The following SPECC1 variants were observed in gnomAD, a reference collection of about 807,000 sequenced individuals.
SPECC1 encodes sperm antigen with calponin homology and coiled-coil domains 1.
In SPECC1, 62 loss-of-function variants were observed where a neutral mutation model predicts 104.1. The ratio of observed to expected loss-of-function variants is 0.60; its 90% CI spans 0.49 to 0.74. The LOEUF is 0.74. SPECC1 is among the 30% of genes least tolerant of loss of function. The pLI is 0.00. For missense variants in SPECC1, 1,306 were observed against 1,310.5 expected, an observed-to-expected ratio of 1.00 and a Z score of 0.05; for synonymous variants, 513 against 501.6, an observed-to-expected ratio of 1.02 and a Z score of -0.30.
chr17:20,033,349 G>A (rs2044905876), intron 1 of SPECC1, among the ~76,000 whole-genome samples: 1 of 152,100 alleles, frequency 6.6e-6, no homozygotes, highest in Non-Finnish European at 1.5e-5. Flanking sequence ...CACTTCTGGA[G>A]CCTCTTGTTC....
chr17:20,129,810 A>G (rs143747501), intron 3 of SPECC1, among the ~76,000 whole-genome samples: 5,773 of 151,754 alleles, frequency 0.038, 358 homozygotes, highest in African/African-American at 0.13. Flanking sequence ...CTGGAGTGCA[A>G]TGGCACAATC....
At chr17:20,288,509 A>G (rs2041038222) in intron 12 of SPECC1, among the ~76,000 whole-genome samples, 1 of 152,240 alleles carries the variant, frequency 6.6e-6, no homozygotes, top group South Asian at 2.1e-4. Context: ...TCATTAGAGA[A>G]ATGTAAAGCA....
chr17:20,031,925 C>A (rs1340337095), intron 1 of SPECC1, among the ~76,000 whole-genome samples: 3 of 152,140 alleles, frequency 2.0e-5, no homozygotes, highest in Non-Finnish European at 2.9e-5. Context: ...TTGCTTCTAC[C>A]TTTTGGCTAT....
intron 3 of SPECC1, among the ~76,000 whole-genome samples, chr17:20,173,163 C>T (rs1199222579): frequency 6.6e-6 from 1 of 152,210 alleles, no homozygotes; most frequent in Non-Finnish European, 1.5e-5. Context: ...GATGCACAGT[C>T]CACTCTGGGA....
intron 13 of SPECC1, among the ~76,000 whole-genome samples, chr17:20,302,088 C>G (rs2041605908): frequency 6.6e-6 from 1 of 152,226 alleles, no homozygotes. Context: ...TCCAGACGGA[C>G]TCAGGTAGTG....
chr17:20,166,444 C>G (rs1425148569), intron 3 of SPECC1, among the ~76,000 whole-genome samples: 1 of 152,072 alleles, frequency 6.6e-6, no homozygotes, highest in African/African-American at 2.4e-5. Flanking sequence ...TGAAAGTTGA[C>G]ATTTTAAAAA....
chr17:20,164,550 T>A (rs1166646674), intron 3 of SPECC1, among the ~76,000 whole-genome samples: 2 of 152,100 alleles, frequency 1.3e-5, no homozygotes, highest in African/African-American at 4.8e-5. Flanking sequence ...ATTCTTACCC[T>A]ACCCAGACTT....
intron 1 of SPECC1, among the ~76,000 whole-genome samples, chr17:20,061,149 G>A (rs920056505): frequency 2.0e-5 from 3 of 152,204 alleles, no homozygotes; most frequent in African/African-American, 7.2e-5. Context: ...TCGGCTCACT[G>A]CAACCTCCAT....
At position 20,181,945 on chromosome 17, in the gene SPECC1, G is replaced by A. The variant is rs146541752; in HGVS notation, c.284-22388G>A. On this transcript the variant is annotated intron_variant, in intron 3 of 14. Coordinates refer to ENST00000395527, the MANE Select transcript of SPECC1 (RefSeq NM_001243439.2). ...GTTATAAAATTGTCCTTCCCAAGTA[G>A]CCTGCTTAAGAGACTAATTCTCCCC... Among the ~76,000 whole-genome samples, 557 of 152,110 alleles carry A rather than the reference G, an allele frequency of 3.7e-3. 5 individuals are homozygous for A. Among genetic ancestry groups the A allele is most frequent in the African/African-American group, 0.012 (510 of 41,494 alleles).
chr17:20,125,175 A>G (rs1344924840), intron 3 of SPECC1, among the ~76,000 whole-genome samples: 2 of 146,902 alleles, frequency 1.4e-5, no homozygotes, highest in African/African-American at 2.5e-5. Context: ...GCGAGACTCC[A>G]TCTCAAAAAA....
At position 20,176,351 on chromosome 17, in the gene SPECC1, G is replaced by C. The variant is rs149032343; in HGVS notation, c.284-27982G>C. 6.6e-5 allele frequency among the ~76,000 whole-genome samples: 10 copies of C among 152,182 alleles called. No individual in the cohort carries two copies. In the East Asian group the frequency reaches 1.9e-3, roughly 29 times the overall value. On this transcript the variant is annotated intron_variant, in intron 3 of 14. Coordinates refer to ENST00000395527, the MANE Select transcript of SPECC1 (RefSeq NM_001243439.2). The stretch of plus-strand genomic sequence containing the variant: ...TTCCTACTTTTCAGTCATTTTACTT[G>C]AGGGTAGGCAACATTTCATTTCTCA...
intron 3 of SPECC1, among the ~76,000 whole-genome samples, chr17:20,117,286 A>G (rs983690909): frequency 6.6e-6 from 1 of 152,190 alleles, no homozygotes; most frequent in Non-Finnish European, 1.5e-5. Flanking sequence ...AAACTGCAAG[A>G]CTACAAAGAG....
At chr17:20,127,723 A>G (rs1270283063) in intron 3 of SPECC1, among the ~76,000 whole-genome samples, 4 of 151,986 alleles carry the variant, frequency 2.6e-5, no homozygotes, top group Admixed American at 6.6e-5. Flanking sequence ...TTTCTTTTCT[A>G]TGTATTTTGT....
At chr17:20,017,124 C>G (rs941414521) in intron 1 of SPECC1, 2 of 152,216 alleles carry the variant, frequency 1.3e-5, no homozygotes, top group Non-Finnish European at 2.9e-5. Context: ...AGAATAAAAG[C>G]AGGCTGCCCG....
At chr17:20,167,455 G>A (rs544439027) in intron 3 of SPECC1, among the ~76,000 whole-genome samples, 4 of 152,160 alleles carry the variant, frequency 2.6e-5, no homozygotes, top group African/African-American at 9.6e-5. Context: ...CGAGATGGGC[G>A]GATCACCAAA....
chr17:20,101,140 C>T (rs923978883), intron 2 of SPECC1, among the ~76,000 whole-genome samples: 1 of 152,078 alleles, frequency 6.6e-6, no homozygotes, highest in African/African-American at 2.4e-5. Flanking sequence ...GTGCATGTGT[C>T]TTTTTAGTGG....
rs762643888 is a variant in SPECC1, at chr17:20,317,259, AT to A, written c.*3215del. On this transcript the variant is annotated 3_prime_UTR_variant, in exon 15 of 15. Transcript: ENST00000395527. ...GCAAGACCTCTGACTCTATAAAAAA[AT>A]TTTTTTTTTTTTTTTTTTTTGAGAG... 447 of 69,666 alleles carry A rather than the reference AT, an allele frequency of 6.4e-3. 3 individuals carry two copies. Among genetic ancestry groups the A allele is most frequent in the Middle Eastern group, 0.034 (4 of 118 alleles). The allele number at this position is 69,666 out of a possible 1,614,324, so 4.3% of individuals were successfully genotyped here. A position where few individuals can be genotyped will look rare whatever the true frequency, so the allele number is the denominator to read the frequency against.
intron 3 of SPECC1, among the ~76,000 whole-genome samples, chr17:20,127,916 G>A (rs982915980): frequency 6.6e-6 from 1 of 151,978 alleles, no homozygotes; most frequent in African/African-American, 2.4e-5. Flanking sequence ...CATGGCAGAG[G>A]CCTCAACTTA....
At chr17:20,117,216 T>A (rs2048805382) in intron 3 of SPECC1, among the ~76,000 whole-genome samples, 1 of 152,034 alleles carries the variant, frequency 6.6e-6, no homozygotes, top group Non-Finnish European at 1.5e-5. Context: ...TGGATCCCTA[T>A]CTCATTCCTC....
Sources: allele counts gnomAD v4.1 joint callset (sites outside exome capture counted in the v4.1 genomes callset), GRCh38; gene constraint gnomAD v4.1.1; transcripts MANE v1.5; gene names NCBI Gene and HGNC (gene_info 2026-07-23, HGNC 2026-07-21).